Variants in DLX6 observed in about 807,000 individuals in gnomAD.
DLX6 encodes the protein distal-less homeobox 6.
A neutral mutation model predicts 33.5 loss-of-function variants in DLX6; 4 were observed. That is an observed-to-expected ratio of 0.12 (90% CI 0.06 to 0.27). The LOEUF (loss-of-function observed/expected upper bound fraction) is 0.27, where lower values mean the gene tolerates loss of function less well. Ranked by LOEUF, DLX6 falls within the 10% of genes least tolerant of loss-of-function variation. The pLI is 1.00. For missense variants in DLX6, 382 were observed against 393.3 expected (o/e 0.97, Z 0.24); for synonymous variants, 184 against 164.8 (o/e 1.12, Z -0.89).
At position 97,006,094 on chromosome 7, in the gene DLX6, G is replaced by A. The variant is rs1399653025; in HGVS notation, c.117G>A (p.Gln39=). The A allele has an allele frequency of 8.0e-5, 124 of 1,554,318 alleles. No individual in the cohort carries two copies. The East Asian group carries it at 1.1e-3, about 14-fold the overall frequency. Residue 39 remains glutamine (Q), a synonymous_variant, in exon 1 of 3, where the codon CAG becomes CAA. Transcript: ENST00000518156. ...AGCAGCAACAGCAGCAGCAGCAGCA[G>A]CAGCAACAGCAACAGCCGCCGCCGC... The part of the protein sequence containing the change: ...QQQQQQQQQQ[Q]QQQQQPPPPP...
rs1789696775 is a variant in DLX6, at chr7:97,005,840, A to G, written c.-138A>G. 2 of 626,982 alleles carry G rather than the reference A, an allele frequency of 3.2e-6. No homozygotes were observed. The highest frequency in any genetic ancestry group is 4.9e-6 in the Non-Finnish European group (2 of 405,410). 38.8% of individuals were successfully genotyped at this position (626,982 alleles called of 1,614,324 possible). A position where few individuals can be genotyped will look rare whatever the true frequency, so the allele number is the denominator to read the frequency against. On this transcript the variant is annotated 5_prime_UTR_variant, in exon 1 of 3. Transcript: ENST00000518156. ...GAACCACCTCCACCCCCCTCTTTAA[A>G]TTCTTTTTTTTTTTTTTTTTTTTTT...
intron 2 of DLX6, among the ~76,000 whole-genome samples, chr7:97,009,120 T>C (rs1039675483): frequency 6.6e-6 from 1 of 152,194 alleles, no homozygotes; most frequent in African/African-American, 2.4e-5. Context: ...ACATACAAAA[T>C]AGGGAATGAA....
intron 1 of DLX6, chr7:97,007,284 C>T (rs1584156019): frequency 1.8e-6 from 1 of 571,090 alleles, no homozygotes; most frequent in South Asian, 2.2e-5. Context: ...ACTGTTAAGC[C>T]GGGCACAGGG....
chr7:97,007,695 A>G lies in DLX6; in HGVS notation c.494A>G (p.Lys165Arg). 1.2e-6 allele frequency: 2 copies of G among 1,612,866 alleles called. No homozygotes were observed. Among genetic ancestry groups the G allele is most frequent in the Non-Finnish European group, 1.7e-6 (2 of 1,179,440 alleles). The change falls in exon 2 of 3, where the codon AAA becomes AGA. Residue 165 changes from lysine to arginine, a missense_variant. Transcript: ENST00000518156. Reference protein sequence around the residue: ...NGEIRFNGKGKKIRKPRTIYS... With the variant: ...NGEIRFNGKGRKIRKPRTIYS... The stretch of plus-strand genomic sequence containing the variant: ...GAAATCAGGTTCAATGGAAAAGGGA[A>G]AAAGATTCGGAAGCCTCGGACCATT...
chr7:97,006,051 G>GGCAGCAGCAGCAGCAGCA lies in DLX6; in HGVS notation c.81_98dup (p.Gln39_Gln44dup). 1 of 1,582,112 alleles carries GGCAGCAGCAGCAGCAGCA rather than the reference G, an allele frequency of 6.3e-7. No homozygotes were observed. Among genetic ancestry groups the GGCAGCAGCAGCAGCAGCA allele is most frequent in the Non-Finnish European group, 8.6e-7 (1 of 1,164,768 alleles). ...TCCAAATCCGCCTTCATGGAGTTCGGGCAGCAGCAGCAGCAGCAGCAGCAA... is the reference window on the plus strand; with the variant it reads ...TCCAAATCCGCCTTCATGGAGTTCGGGCAGCAGCAGCAGCAGCAGCAGCAGCAGCAGCAGCAGCAGCAA... On this transcript the variant is annotated inframe_insertion, in exon 1 of 3. Transcript: ENST00000518156.
At chr7:97,006,481 A>G in intron 1 of DLX6, 68 bp downstream of exon 1, 1 of 1,215,922 alleles carries the variant, frequency 8.2e-7, no homozygotes, top group Non-Finnish European at 1.0e-6. Context: ...CCGCCCGCTC[A>G]CTTCCTCGAC....
chr7:97,006,486 C>T (rs978969500), intron 1 of DLX6, 73 bp downstream of exon 1: 2 of 1,238,360 alleles, frequency 1.6e-6, no homozygotes, highest in Non-Finnish European at 2.0e-6. Flanking sequence ...CGCTCACTTC[C>T]TCGACGCCCG....
In DLX6 at chr7:97,006,118, G is replaced by GCCT. The variant is rs1562791235; in HGVS notation, c.143_144insTCC (p.Pro53dup). ...AGCAGCAACAGCAACAGCCGCCGCC[G>GCCT]CCGCCGCCGCCGCCGCCGCAGCCGC... On this transcript the variant is annotated inframe_insertion, in exon 1 of 3. Coordinates refer to ENST00000518156, the MANE Select transcript of DLX6 (RefSeq NM_005222.4). 2.6e-6 allele frequency: 4 copies of GCCT among 1,531,430 alleles called. No individual in the cohort carries two copies. In the Admixed American group the frequency reaches 5.9e-5, roughly 23 times the overall value. The allele number at this position is 1,531,430 out of a possible 1,614,324, so 94.9% of individuals were successfully genotyped here.
chr7:97,006,157 C>T lies in DLX6; in HGVS notation c.180C>T (p.Ser60=), dbSNP rs1415217141. The change falls in exon 1 of 3, where the codon AGC becomes AGT. Residue 60 remains serine, a synonymous_variant. Coordinates refer to ENST00000518156, the MANE Select transcript of DLX6 (RefSeq NM_005222.4). ...PPPPQPHSQQ[S]SPAMAGAHYP... ...CGCCGCAGCCGCACTCGCAGCAGAGCTCCCCGGCCATGGCAGGCGCGCACT... is the reference window on the plus strand; with the variant it reads ...CGCCGCAGCCGCACTCGCAGCAGAGTTCCCCGGCCATGGCAGGCGCGCACT... 11 of 1,542,664 alleles carry T rather than the reference C, an allele frequency of 7.1e-6. No individual in the cohort carries two copies. The highest frequency in any genetic ancestry group is 3.4e-4 in the Middle Eastern group (2 of 5,888).
chr7:97,006,569 G>A (rs1789738253), intron 1 of DLX6, 156 bp downstream of exon 1: 1 of 660,206 alleles, frequency 1.5e-6, no homozygotes, highest in South Asian at 7.4e-5. Context: ...CCGCTCGCCT[G>A]GCGCCTGCCT....
intron 1 of DLX6, chr7:97,006,656 G>A: frequency 5.3e-6 from 1 of 189,604 alleles, no homozygotes; most frequent in Non-Finnish European, 1.0e-5. Flanking sequence ...GCTGAGTCCC[G>A]GGCCCGGCGC....
chr7:97,007,887 G>T (rs949757575), intron 2 of DLX6, 56 bp downstream of exon 2: 4 of 1,477,472 alleles, frequency 2.7e-6, no homozygotes, highest in South Asian at 1.4e-5. Context: ...TGCAGATCGG[G>T]CAGGGAGCAC....
chr7:97,006,565 G>A, intron 1 of DLX6, 152 bp downstream of exon 1: 2 of 693,036 alleles, frequency 2.9e-6, no homozygotes, highest in Non-Finnish European at 1.9e-6. Context: ...GCGCCCGCTC[G>A]CCTGGCGCCT....
rs1789820697 is a variant in DLX6 at position 97,010,328 on chromosome 7, C to T, written c.*281C>T. On this transcript the variant is annotated 3_prime_UTR_variant, in exon 3 of 3. Transcript: ENST00000518156. ...CTCATTTACCTTCTCTCTTGAGCAA[C>T]GTCAGTAATTGATCTTGCATCTCAG... 3 of 362,078 alleles carry T rather than the reference C, an allele frequency of 8.3e-6. No individual in the cohort carries two copies. Among genetic ancestry groups the T allele is most frequent in the Admixed American group, 4.3e-5 (1 of 23,426 alleles). The allele number at this position is 362,078 out of a possible 1,614,324, so 22.4% of individuals were successfully genotyped here. A position where few individuals can be genotyped will look rare whatever the true frequency, so the allele number is the denominator to read the frequency against.
intron 2 of DLX6, 28 bp from the exon 3 acceptor site, chr7:97,009,768 G>GGCCTA: frequency 6.2e-7 from 1 of 1,609,192 alleles, no homozygotes. Context: ...GATGTTTATG[G>GGCCTA]GCCTAATGAT....
Position 97,006,105 on chromosome 7 carries a change from AACAGCCGCCGCCGCCGCC to A in DLX6, c.129_146del (p.Gln44_Pro49del). On this transcript the variant is annotated inframe_deletion, in exon 1 of 3. Coordinates refer to ENST00000518156, the MANE Select transcript of DLX6 (RefSeq NM_005222.4). Reference sequence around the variant, plus strand: ...CAGCAGCAGCAGCAGCAGCAACAGCAACAGCCGCCGCCGCCGCCGCCGCCGCCGCCGCAGCCGCACTCG... The same window carrying A: ...CAGCAGCAGCAGCAGCAGCAACAGCAGCCGCCGCCGCCGCAGCCGCACTCG... The A allele has an allele frequency of 6.5e-7, 1 of 1,543,804 alleles. No homozygotes were observed. The highest frequency in any genetic ancestry group is 8.7e-7 in the Non-Finnish European group (1 of 1,143,194).
In DLX6 at chr7:97,005,950, A is replaced by C; in HGVS notation, c.-28A>C. The C allele has an allele frequency of 6.6e-7, 1 of 1,519,384 alleles. No individual in the cohort carries two copies. The highest frequency in any genetic ancestry group is 8.8e-7 in the Non-Finnish European group (1 of 1,131,238). The allele number at this position is 1,519,384 out of a possible 1,614,324, so 94.1% of individuals were successfully genotyped here. On this transcript the variant is annotated 5_prime_UTR_variant, in exon 1 of 3. Coordinates refer to ENST00000518156, the MANE Select transcript of DLX6 (RefSeq NM_005222.4). ...GGGAGGGTGGAGGAAACCCGGGAGA[A>C]GGCTTTCTCCAGCCCCCAAAGTTTT...
intron 2 of DLX6, among the ~76,000 whole-genome samples, chr7:97,008,665 G>C (rs1789786441): frequency 6.6e-6 from 1 of 152,178 alleles, no homozygotes; most frequent in Non-Finnish European, 1.5e-5. Context: ...AGTTTTTGTT[G>C]ATTAATTTAC....
intron 1 of DLX6, chr7:97,007,312 C>G (rs995454885): frequency 2.0e-4 from 118 of 584,362 alleles, no homozygotes; most frequent in Non-Finnish European, 3.4e-4. Flanking sequence ...TCCGCCCGGA[C>G]AGCTGCCGCC....
Sources: gnomAD v4.1 joint callset for allele counts (sites outside exome capture counted in the v4.1 genomes callset) on GRCh38, gnomAD v4.1.1 for gene constraint, MANE v1.5 for transcripts, NCBI Gene and HGNC (gene_info 2026-07-23, HGNC 2026-07-21) for gene names.